The following SLC26A9 variants were observed in gnomAD, a reference collection of about 807,000 sequenced individuals.
SLC26A9 encodes the protein solute carrier family 26 member 9, also known as anion transporter/exchanger protein 9.
In SLC26A9, 46 loss-of-function variants were observed where a neutral mutation model predicts 87.1. The observed-to-expected ratio is 0.53, with a 90% confidence interval of 0.42 to 0.67. The LOEUF is 0.67. Among genes scored for constraint, SLC26A9 ranks in the 30% least tolerant of loss-of-function variants. The probability of loss-of-function intolerance (pLI) is 0.00; values close to 1 mark genes in which losing one functional copy is unlikely to be tolerated. For synonymous variants in SLC26A9, 437 were observed against 409.1 expected (o/e 1.07, Z -0.82); for missense variants, 927 against 1,018.3 (o/e 0.91, Z 1.22).
At chr1:205,917,212 T>C in intron 20 of SLC26A9, 71 bp downstream of exon 20, 1 of 1,521,690 alleles carries the variant, frequency 6.6e-7, no homozygotes, top group Admixed American at 1.7e-5. Flanking sequence ...GAACGCCTTG[T>C]ATTTGACAGC....
rs972786829 is a variant in SLC26A9 at position 205,928,242 on chromosome 1, G to A, written c.954-193C>T. 8 of 690,454 alleles carry A rather than the reference G, an allele frequency of 1.2e-5. No homozygotes were observed. In the Admixed American group the frequency reaches 2.1e-4, roughly 18 times the overall value. The allele number at this position is 690,454 out of a possible 1,614,324, so 42.8% of individuals were successfully genotyped here. ...CCATCACTCCTGTTTTACAAAGGAGGAAACTGAGGCTGAGAGAACCTAACT... is the reference window on the plus strand; with the variant it reads ...CCATCACTCCTGTTTTACAAAGGAGAAAACTGAGGCTGAGAGAACCTAACT... On this transcript the variant is annotated intron_variant, in intron 8 of 20. Coordinates refer to ENST00000367135, the MANE Select transcript of SLC26A9 (RefSeq NM_052934.4).
At chr1:205,931,484 T>TTTTTTTTTTTTTTTTTTTTAG in intron 5 of SLC26A9, among the ~76,000 whole-genome samples, 1 of 121,548 alleles carries the variant, frequency 8.2e-6, no homozygotes, top group Admixed American at 9.4e-5. Flanking sequence ...TTTTTTTTTT[T>TTTTTTTTTTTTTTTTTTTTAG]GAGACGGAGT....
In SLC26A9 at chr1:205,930,037, T is replaced by C. The variant is rs1351879209; in HGVS notation, c.572A>G (p.Gln191Arg). 4 of 1,611,336 alleles carry C rather than the reference T, an allele frequency of 2.5e-6. No homozygotes were observed. Among genetic ancestry groups the C allele is most frequent in the Non-Finnish European group, 3.4e-6 (4 of 1,177,810 alleles). Residue 191 changes from glutamine (Q) to arginine (R), a missense_variant, in exon 6 of 21, where the codon CAG (glutamine) becomes CGG (arginine). Gln to Arg is a conservative substitution (Grantham distance 43). Transcript: ENST00000367135. Reference sequence around the variant, plus strand: ...GAGGTAGATGGCCACAAAGCCAAACTGCATGAAGCCCAGACCCATCTGAGA... The same window carrying C: ...GAGGTAGATGGCCACAAAGCCAAACCGCATGAAGCCCAGACCCATCTGAGA... ...AIIQMGLGFM[Q>R]FGFVAIYLSE... is the part of the protein sequence containing the mutation.
intron 8 of SLC26A9, chr1:205,928,312 A>G: frequency 2.0e-6 from 1 of 507,436 alleles, no homozygotes; most frequent in East Asian, 3.3e-5. Context: ...CTCGTTTGTT[A>G]ACTCCCAGAT....
chr1:205,923,582 C>T lies in SLC26A9; in HGVS notation c.1528G>A (p.Asp510Asn), dbSNP rs749520143. 8 of 1,614,068 alleles carry T rather than the reference C, an allele frequency of 5.0e-6. No individual in the cohort carries two copies. The African/African-American group carries it at 9.3e-5, about 19-fold the overall frequency. The change falls in exon 14 of 21, where the codon GAC becomes AAC. Residue 510 changes from aspartate (D) to asparagine (N), a missense_variant. Asp to Asn is a conservative substitution (Grantham distance 23). Transcript: ENST00000367135. ...TTGGGATTCACATAAATGTCAGTGT[C>T]CATGACCTGGGCCAGTGCATAGCCA... ...RNGYALAQVMDTDIYVNPKTY... is the reference protein window; with the variant it reads ...RNGYALAQVMNTDIYVNPKTY...
rs572280309 is a variant in SLC26A9 at position 205,935,815 on chromosome 1, G to C, written c.6C>G (p.Ser2Arg). The change falls in exon 2 of 21, where the codon AGC (serine) becomes AGG (arginine). Residue 2 changes from serine (S) to arginine (R), a missense_variant. Physicochemically the swap from Ser to Arg is moderately radical, Grantham distance 110 (BLOSUM62 -1). Coordinates refer to ENST00000367135, the MANE Select transcript of SLC26A9 (RefSeq NM_052934.4). ...CTACCACGTAGCGGGGCCTGGGCTG[G>C]CTCATATCTGGGGCATTTACAAGCT... Reference protein sequence around the residue: MSQPRPRYVVDR... With the variant: MRQPRPRYVVDR... 3.6e-5 allele frequency: 58 copies of C among 1,613,314 alleles called. No homozygotes were observed. The highest frequency in any genetic ancestry group is 4.8e-5 in the Non-Finnish European group (57 of 1,179,530).
chr1:205,914,731 T>G lies in SLC26A9; in HGVS notation c.*626A>C. 1.2e-6 allele frequency: 1 copy of G among 825,096 alleles called. No homozygotes were observed. The allele number at this position is 825,096 out of a possible 1,614,324, so 51.1% of individuals were successfully genotyped here. A position where few individuals can be genotyped will look rare whatever the true frequency, so the allele number is the denominator to read the frequency against. ...AGTCTGATGTGCTTGCTGACAGCAG[T>G]GGTGGTTTGGGCAGCCTTGGGGATG... On this transcript the variant is annotated 3_prime_UTR_variant, in exon 21 of 21. Transcript: ENST00000367135.
chr1:205,926,141 T>G (rs1659057597), intron 12 of SLC26A9, among the ~76,000 whole-genome samples: 2 of 152,252 alleles, frequency 1.3e-5, no homozygotes, highest in South Asian at 4.1e-4. Flanking sequence ...TATTTCCTTT[T>G]GTTTTTTAAA....
At chr1:205,915,452 C>T (rs1307268782) in intron 20 of SLC26A9, 48 bp from the exon 21 acceptor site, 1 of 1,612,838 alleles carries the variant, frequency 6.2e-7, no homozygotes, top group Admixed American at 1.7e-5. Flanking sequence ...AGAGGTTAGA[C>T]CAGTTGGGGT....
intron 4 of SLC26A9, among the ~76,000 whole-genome samples, chr1:205,932,419 T>C (rs183673437): frequency 6.6e-6 from 1 of 152,276 alleles, no homozygotes; most frequent in African/African-American, 2.4e-5. Context: ...CTCACATCTG[T>C]TTAAGCATGT....
Position 205,915,304 on chromosome 1 carries a change from G to A in SLC26A9, c.*53C>T, listed in dbSNP as rs569130255. ...CTGTGACCCCAGGCTCATCCTTTAT[G>A]GAAGTCCCAAGTGCCAGGCACTCTG... On this transcript the variant is annotated 3_prime_UTR_variant, in exon 21 of 21. Transcript: ENST00000367135. The A allele has an allele frequency of 1.5e-5, 24 of 1,613,032 alleles. No individual in the cohort carries two copies. The highest frequency in any genetic ancestry group is 1.1e-4 in the South Asian group (10 of 90,858).
rs372640712 is a variant in SLC26A9, at chr1:205,927,968, G to A, written c.1035C>T (p.Tyr345=). Residue 345 remains tyrosine (Y), a synonymous_variant, in exon 9 of 21, where the codon TAC becomes TAT. Transcript: ENST00000367135. The part of the protein sequence containing the change: ...GTAFSLAIVS[Y]VINLAMGRTL... ...TCCGGCCCATAGCCAGGTTGATGAC[G>A]TAGCTCACGATGGCTAGGGAGAAGG... is the stretch of plus-strand genomic sequence containing the variant. 44 of 1,614,198 alleles carry A rather than the reference G, an allele frequency of 2.7e-5. No homozygotes were observed. The African/African-American group carries it at 4.7e-4, about 17-fold the overall frequency.
chr1:205,932,116 C>T (rs1659332732), intron 4 of SLC26A9, 81 bp from the exon 5 acceptor site: 4 of 1,550,298 alleles, frequency 2.6e-6, no homozygotes, highest in Non-Finnish European at 3.5e-6. Flanking sequence ...AGGAATGCTT[C>T]CCGACCCCAG....
intron 20 of SLC26A9, among the ~76,000 whole-genome samples, chr1:205,915,901 G>T (rs1658574535): frequency 6.6e-6 from 1 of 152,162 alleles, no homozygotes; most frequent in African/African-American, 2.4e-5. Flanking sequence ...GTGAGAGACG[G>T]ATTCAGAGCA....
At position 205,920,163 on chromosome 1, in the gene SLC26A9, C is replaced by T. The variant is rs777904860; in HGVS notation, c.2110+13G>A. 5 of 1,613,696 alleles carry T rather than the reference C, an allele frequency of 3.1e-6. No homozygotes were observed. The highest frequency in any genetic ancestry group is 1.3e-5 in the African/African-American group (1 of 74,900). On this transcript the variant is annotated intron_variant, in intron 18 of 20. Transcript: ENST00000367135. ...GCCAGTCTTTCAGTCCCTAAATGTC[C>T]TCTTTCTCTTACCATGGATGTTCAC...
In SLC26A9 at chr1:205,915,298, C is replaced by A. The variant is rs746021108; in HGVS notation, c.*59G>T. The A allele has an allele frequency of 1.9e-6, 3 of 1,612,410 alleles. No homozygotes were observed. The highest frequency in any genetic ancestry group is 2.2e-5 in the East Asian group (1 of 44,884). On this transcript the variant is annotated 3_prime_UTR_variant, in exon 21 of 21. Transcript: ENST00000367135. The stretch of plus-strand genomic sequence containing the variant: ...CACCCCCTGTGACCCCAGGCTCATC[C>A]TTTATGGAAGTCCCAAGTGCCAGGC...
intron 13 of SLC26A9, 48 bp from the exon 14 acceptor site, chr1:205,923,661 T>C: frequency 6.2e-7 from 1 of 1,610,394 alleles, no homozygotes; most frequent in South Asian, 1.1e-5. Flanking sequence ...TAATGGCACA[T>C]GGGCCTGGAA....
At position 205,926,545 on chromosome 1, in the gene SLC26A9, T is replaced by C; in HGVS notation, c.1379A>G (p.Lys460Arg). Residue 460 changes from lysine (K) to arginine (R), a missense_variant, in exon 12 of 21, where the codon AAG becomes AGG. Coordinates refer to ENST00000367135, the MANE Select transcript of SLC26A9 (RefSeq NM_052934.4). The stretch of plus-strand genomic sequence containing the variant: ...CTGCCCGATACTTACACAGTCCAGC[T>C]TGCTCTTCCTCCACAGGTAGTAGGG... The part of the protein sequence containing the change: ...TDPYYLWRKS[K>R]LDCCIWVVSF... 1 of 1,614,110 alleles carries C rather than the reference T, an allele frequency of 6.2e-7. No individual in the cohort carries two copies. Among genetic ancestry groups the C allele is most frequent in the Non-Finnish European group, 8.5e-7 (1 of 1,179,990 alleles).
intron 20 of SLC26A9, 63 bp from the exon 21 acceptor site, chr1:205,915,467 G>A: frequency 6.2e-7 from 1 of 1,610,982 alleles, no homozygotes; most frequent in South Asian, 1.1e-5. Context: ...TGGGGTCACA[G>A]TGGCTGCAAC....
Sources: gnomAD v4.1 joint callset for allele counts (sites outside exome capture counted in the v4.1 genomes callset) on GRCh38, gnomAD v4.1.1 for gene constraint, MANE v1.5 for transcripts, NCBI Gene and HGNC (gene_info 2026-07-23, HGNC 2026-07-21) for gene names.